The following STAT5A variants were observed in gnomAD, a reference collection of about 807,000 sequenced individuals.
The protein encoded by STAT5A is signal transducer and activator of transcription 5A, also known as epididymis secretory sperm binding protein.
Under a neutral mutation model 100.2 loss-of-function variants are expected in STAT5A, and 26 were observed. The ratio of observed to expected loss-of-function variants is 0.26; its 90% confidence interval spans 0.19 to 0.36. The LOEUF (loss-of-function observed/expected upper bound fraction) is 0.36, where lower values mean the gene tolerates loss of function less well. Ranked by LOEUF, STAT5A falls within the 10% of genes least tolerant of loss-of-function variation. The pLI is 1.00. For synonymous variants in STAT5A, 330 were observed against 424.3 expected (o/e 0.78, Z 2.73); for missense variants, 634 against 1,027.5 (o/e 0.62, Z 5.24).
At chr17:42,299,167 T>C (rs2080950432) in intron 5 of STAT5A, among the ~76,000 whole-genome samples, 1 of 152,174 alleles carries the variant, frequency 6.6e-6, no homozygotes, top group South Asian at 2.1e-4. Context: ...GAGCAGCTGC[T>C]TGTCTCTGTC....
chr17:42,306,209 C>T lies in STAT5A; in HGVS notation c.1474-32C>T, dbSNP rs375196144. ...TGTGAATATTTCCAACTCCCTCAAT[C>T]TACCTTTTCCCCTCTCTTGTCTCCC... On this transcript the variant is annotated intron_variant, in intron 12 of 18. Transcript: ENST00000590949. 165 of 1,614,006 alleles carry T rather than the reference C, an allele frequency of 1.0e-4. 1 individual carries two copies. Among genetic ancestry groups the T allele is most frequent in the Middle Eastern group, 5.0e-4 (3 of 6,056 alleles).
rs1054600076 is a variant in STAT5A, at chr17:42,288,897, G to A, written c.-11+299G>A. Reference sequence around the variant, plus strand: ...GATGGGGGAGCAGCCGAAGAGGGGAGCGCCCAAGTCCTCAGCCCTGTCTCC... The same window carrying A: ...GATGGGGGAGCAGCCGAAGAGGGGAACGCCCAAGTCCTCAGCCCTGTCTCC... On this transcript the variant is annotated intron_variant, in intron 1 of 18. Coordinates refer to ENST00000590949, the MANE Select transcript of STAT5A (RefSeq NM_001288718.2). This position sits in a 1 kb window ranked among gnomAD's most constrained non-coding sequence, Gnocchi z 4.8. Among the ~76,000 whole-genome samples the A allele has an allele frequency of 1.3e-5, 2 of 152,216 alleles. No individual in the cohort carries two copies. Among genetic ancestry groups the A allele is most frequent in the African/African-American group, 4.8e-5 (2 of 41,468 alleles).
chr17:42,299,654 T>C (rs2080955696), intron 5 of STAT5A, 97 bp from the exon 6 acceptor site: 33 of 1,590,970 alleles, frequency 2.1e-5, no homozygotes, highest in Admixed American at 6.8e-5. Context: ...TGTCTGAGCC[T>C]GGGAGGGTCT....
At chr17:42,299,614 G>T (rs2080955212) in intron 5 of STAT5A, 137 bp from the exon 6 acceptor site, 2 of 1,443,792 alleles carry the variant, frequency 1.4e-6, no homozygotes, top group Non-Finnish European at 1.9e-6. Context: ...CCCCCTGGCT[G>T]TCAGGAACCC....
In STAT5A at chr17:42,308,524, C is replaced by A; in HGVS notation, c.2062+191C>A. The A allele has an allele frequency of 1.4e-6, 1 of 700,496 alleles. No individual in the cohort carries two copies. The allele number at this position is 700,496 out of a possible 1,614,324, so 43.4% of individuals were successfully genotyped here. On this transcript the variant is annotated intron_variant, in intron 16 of 18. Transcript: ENST00000590949. The surrounding 1 kb of genome is among the most constrained non-coding windows in gnomAD (Gnocchi z 4.6). ...AAATGAGGAGAGGGAACGAGAAACC[C>A]GTCCCAGCTCTCTTCTCTGCAAAGT...
At chr17:42,293,690 G>A (rs923498607) in intron 4 of STAT5A, among the ~76,000 whole-genome samples, 1 of 152,226 alleles carries the variant, frequency 6.6e-6, no homozygotes, top group African/African-American at 2.4e-5. Flanking sequence ...GGGGGCCTAG[G>A]TGGAAAAAGC....
At chr17:42,309,652 GGTCAA>G (rs1029582501) in intron 18 of STAT5A, 168 bp downstream of exon 18, 10 of 646,592 alleles carry the variant, frequency 1.5e-5, no homozygotes, top group African/African-American at 3.7e-5. Flanking sequence ...GACATAGCAG[GGTCAA>G]GTCCTCACTC....
intron 9 of STAT5A, among the ~76,000 whole-genome samples, chr17:42,302,542 G>T (rs915664984): frequency 3.9e-5 from 6 of 152,204 alleles, no homozygotes; most frequent in African/African-American, 1.2e-4. Flanking sequence ...GTAGTGTCCA[G>T]TGTCAGGGCA....
intron 4 of STAT5A, 143 bp from the exon 5 acceptor site, chr17:42,295,476 G>A (rs954756453): frequency 3.3e-5 from 27 of 826,846 alleles, no homozygotes; most frequent in Non-Finnish European, 5.0e-5. Context: ...TGATGCAAAT[G>A]ATCCTTCCTT....
intron 3 of STAT5A, among the ~76,000 whole-genome samples, chr17:42,291,590 C>T (rs2080869341): frequency 6.6e-6 from 1 of 152,106 alleles, no homozygotes; most frequent in Admixed American, 6.6e-5. Flanking sequence ...ATGGCACATG[C>T]CTGTAATCCC....
In STAT5A at chr17:42,309,308, C is replaced by T. The variant is rs562787097; in HGVS notation, c.2115-69C>T. The T allele has an allele frequency of 1.1e-4, 175 of 1,570,920 alleles. 1 individual carries two copies. In the African/African-American group the frequency reaches 2.0e-3, roughly 18 times the overall value. ...CCCCGAGAAAGACAAACATGCCCCT[C>T]GGTCCCCTCCCCAAGTCAGCTGCCC... On this transcript the variant is annotated intron_variant, in intron 17 of 18. Transcript: ENST00000590949.
Position 42,306,425 on chromosome 17 carries a change from T to C in STAT5A, c.1658T>C (p.Val553Ala). The change falls in exon 13 of 19, where the codon GTG becomes GCG. Residue 553 changes from valine to alanine, a missense_variant. By Grantham distance (64) the Val-to-Ala change is moderately conservative. Transcript: ENST00000590949. ...CTGGAGGACTACAGTGGCCTGTCCG[T>C]GTCCTGGTCCCAGTTCAACAGGGTG... ...SHLEDYSGLSVSWSQFNRENL... is the reference protein window; with the variant it reads ...SHLEDYSGLSASWSQFNRENL... The C allele has an allele frequency of 6.2e-7, 1 of 1,613,494 alleles. No individual in the cohort carries two copies. Among genetic ancestry groups the C allele is most frequent in the Non-Finnish European group, 8.5e-7 (1 of 1,179,716 alleles).
chr17:42,291,842 G>A (rs564370411), intron 3 of STAT5A, 130 bp from the exon 4 acceptor site: 163 of 831,908 alleles, frequency 2.0e-4, no homozygotes, highest in Non-Finnish European at 2.9e-4. Context: ...GAGGTGTCTG[G>A]GGATAGTTCC....
chr17:42,302,069 G>A (rs1296392593), intron 9 of STAT5A, among the ~76,000 whole-genome samples: 4 of 152,260 alleles, frequency 2.6e-5, no homozygotes, highest in African/African-American at 9.6e-5. Flanking sequence ...GGGAAGCTGA[G>A]GTGGTAGGAT....
intron 5 of STAT5A, among the ~76,000 whole-genome samples, 161 bp from the exon 6 acceptor site, chr17:42,299,590 C>A (rs1200502429): frequency 6.6e-6 from 1 of 152,224 alleles, no homozygotes; most frequent in Non-Finnish European, 1.5e-5. Flanking sequence ...TCCTGAGGCG[C>A]CATTCATCTT....
At chr17:42,289,211 T>C in intron 1 of STAT5A, 191 bp from the exon 2 acceptor site, 1 of 532,746 alleles carries the variant, frequency 1.9e-6, no homozygotes, top group Non-Finnish European at 3.1e-6. Flanking sequence ...CTTCAGCGGG[T>C]TCCTTGTTGG....
chr17:42,291,483 G>A (rs1199821017), intron 3 of STAT5A, among the ~76,000 whole-genome samples: 2 of 152,228 alleles, frequency 1.3e-5, no homozygotes, highest in East Asian at 1.9e-4. Flanking sequence ...TTGGGAGGCC[G>A]AGGCGGGTGG....
chr17:42,306,150 C>T, intron 12 of STAT5A, 91 bp from the exon 13 acceptor site: 1 of 1,595,916 alleles, frequency 6.3e-7, no homozygotes, highest in Non-Finnish European at 8.6e-7. Flanking sequence ...TCTCAGTCTC[C>T]TCTGTCTCTA....
At chr17:42,294,202 C>A (rs997944875) in intron 4 of STAT5A, among the ~76,000 whole-genome samples, 2 of 148,440 alleles carry the variant, frequency 1.3e-5, no homozygotes, top group Non-Finnish European at 3.0e-5. Context: ...GGCAACAGAG[C>A]GAGACTCTGT....
Sources: gnomAD v4.1 joint callset for allele counts (sites outside exome capture counted in the v4.1 genomes callset) on GRCh38, gnomAD v4.1.1 for gene constraint, Gnocchi (gnomAD v3.1) non-coding constraint, MANE v1.5 for transcripts, NCBI Gene and HGNC (gene_info 2026-07-23, HGNC 2026-07-21) for gene names.